The following GALNT14 variants were observed in gnomAD, a reference collection of about 807,000 sequenced individuals.
GALNT14 encodes UDP-GalNAc:polypeptide N-acetylgalactosaminyltransferase 14.
Under a neutral mutation model 77.5 loss-of-function variants are expected in GALNT14, and 60 were observed. That is an observed-to-expected ratio of 0.77 (90% CI 0.63 to 0.96). The LOEUF is 0.96. Among genes scored for constraint, GALNT14 ranks in the 40% least tolerant of loss-of-function variants. The pLI is 0.00. For synonymous variants in GALNT14, 280 were observed against 281.7 expected (o/e 0.99, Z 0.06); for missense variants, 710 against 731.0 (o/e 0.97, Z 0.33).
chr2:30,974,883 T>C (rs1668547871), intron 2 of GALNT14, among the ~76,000 whole-genome samples: 1 of 152,154 alleles, frequency 6.6e-6, no homozygotes, highest in Non-Finnish European at 1.5e-5. Flanking sequence ...GTCTGAAGAA[T>C]GAGTGGAGGG....
At chr2:31,108,189 A>G (rs1269527206) in intron 1 of GALNT14, among the ~76,000 whole-genome samples, 2 of 152,146 alleles carry the variant, frequency 1.3e-5, no homozygotes, top group Non-Finnish European at 2.9e-5. Context: ...CTGACCCCAC[A>G]TGAACCCTGA....
chr2:30,989,563 TATATATATATATATATATAAAA>T (rs1174367795), intron 2 of GALNT14, among the ~76,000 whole-genome samples: 2 of 125,344 alleles, frequency 1.6e-5, no homozygotes, highest in East Asian at 2.2e-4. Context: ...AAATACCTTA[TATATATATATATATATATAAAA>T]ATATATATAT....
chr2:30,947,540 A>G (rs902658517), intron 6 of GALNT14, among the ~76,000 whole-genome samples: 1 of 152,226 alleles, frequency 6.6e-6, no homozygotes, highest in Non-Finnish European at 1.5e-5. Flanking sequence ...AACTCCCCAC[A>G]TTGCCCAGAG....
At chr2:31,089,660 T>C (rs1046201513) in intron 1 of GALNT14, among the ~76,000 whole-genome samples, 4 of 152,056 alleles carry the variant, frequency 2.6e-5, no homozygotes, top group African/African-American at 9.7e-5. Context: ...AAGCAGAGGG[T>C]TATTTTCTAG....
intron 2 of GALNT14, among the ~76,000 whole-genome samples, chr2:30,973,950 T>C (rs1368594713): frequency 6.6e-6 from 1 of 152,154 alleles, no homozygotes; most frequent in African/African-American, 2.4e-5. Flanking sequence ...AATAAGTGGG[T>C]CAGAATAGAG....
At chr2:30,971,129 G>GA (rs935756657) in intron 2 of GALNT14, among the ~76,000 whole-genome samples, 2 of 152,050 alleles carry the variant, frequency 1.3e-5, no homozygotes, top group Admixed American at 6.5e-5. Flanking sequence ...GAGAGTCTGA[G>GA]AAAAAAATCC....
At chr2:31,029,512 C>T (rs2113488) in intron 1 of GALNT14, among the ~76,000 whole-genome samples, 73,209 of 152,070 alleles carry the variant, frequency 0.48, 18,331 homozygotes, top group African/African-American at 0.63. Context: ...TCAGCCTGCC[C>T]TGTAATCATA....
At position 30,945,226 on chromosome 2, in the gene GALNT14, C is replaced by T. The variant is rs548158973; in HGVS notation, c.743-284G>A. Among the ~76,000 whole-genome samples, 53 of 152,224 alleles carry T rather than the reference C, an allele frequency of 3.5e-4. 1 individual carries two copies. In the South Asian group the frequency reaches 0.01, roughly 30 times the overall value. ...GGATAAAAAGCCTAGGGGTAGGGGC[C>T]GAGGATGACAGGATGGACAGTCATG... On this transcript the variant is annotated intron_variant, in intron 7 of 14. Coordinates refer to ENST00000349752, the MANE Select transcript of GALNT14 (RefSeq NM_024572.4).
chr2:30,890,236 A>T, the GALNT14 span, among the ~76,000 whole-genome samples: 2 of 152,210 alleles, frequency 1.3e-5, no homozygotes, highest in Non-Finnish European at 2.9e-5. Flanking sequence ...CTCTGGGAAG[A>T]TAGAGAGGAG....
At chr2:31,109,165 G>C (rs1288321647) in intron 1 of GALNT14, among the ~76,000 whole-genome samples, 1 of 152,198 alleles carries the variant, frequency 6.6e-6, no homozygotes, top group Admixed American at 6.5e-5. Context: ...CTGGAATGCA[G>C]CTGTTAGTTA....
chr2:30,905,402 T>G, the GALNT14 span, among the ~76,000 whole-genome samples: 1 of 151,424 alleles, frequency 6.6e-6, no homozygotes, highest in African/African-American at 2.4e-5. Context: ...GCTCGAGAAC[T>G]ACGTGAAGAA....
chr2:31,070,390 C>T (rs1418201455), intron 1 of GALNT14, among the ~76,000 whole-genome samples: 1 of 152,208 alleles, frequency 6.6e-6, no homozygotes, highest in African/African-American at 2.4e-5. Context: ...CTAGGCTGTC[C>T]TGTCCTCAGG....
At chr2:31,054,172 G>A (rs1674071094) in intron 1 of GALNT14, among the ~76,000 whole-genome samples, 1 of 152,232 alleles carries the variant, frequency 6.6e-6, no homozygotes, top group African/African-American at 2.4e-5. Flanking sequence ...TCCAGTGCAT[G>A]CTTTGATCCC....
chr2:31,035,553 ATG>A (rs573163116), intron 1 of GALNT14, among the ~76,000 whole-genome samples: 151 of 129,506 alleles, frequency 1.2e-3, no homozygotes, highest in African/African-American at 4.2e-3. Flanking sequence ...GATAAAGAAA[ATG>A]TGTGTGTGTG....
intron 1 of GALNT14, among the ~76,000 whole-genome samples, chr2:31,020,918 CT>C (rs1360800799): frequency 1.3e-5 from 2 of 152,204 alleles, no homozygotes; most frequent in Non-Finnish European, 1.5e-5. Context: ...CTTATTACGC[CT>C]CTCCAGGAAT....
chr2:30,975,129 C>T (rs1226508157), intron 2 of GALNT14, among the ~76,000 whole-genome samples: 1 of 152,140 alleles, frequency 6.6e-6, no homozygotes, highest in Non-Finnish European at 1.5e-5. Flanking sequence ...CGATAAGAAG[C>T]CTTGGGCTAA....
At chr2:31,060,026 C>T (rs922978945) in intron 1 of GALNT14, among the ~76,000 whole-genome samples, 7 of 152,190 alleles carry the variant, frequency 4.6e-5, no homozygotes, top group African/African-American at 7.2e-5. Flanking sequence ...AATCCCTTTC[C>T]GCTCCCTGCA....
intron 3 of GALNT14, among the ~76,000 whole-genome samples, chr2:30,959,793 G>A (rs1350218936): frequency 6.6e-6 from 1 of 152,126 alleles, no homozygotes; most frequent in African/African-American, 2.4e-5. Flanking sequence ...TGTGTCTTAG[G>A]TCTGACTGAG....
rs774174445 is a variant in GALNT14 at position 30,912,329 on chromosome 2, G to A, written c.1394C>T (p.Thr465Ile). The A allele has an allele frequency of 3.1e-6, 5 of 1,614,024 alleles. No homozygotes were observed. Among genetic ancestry groups the A allele is most frequent in the Non-Finnish European group, 4.2e-6 (5 of 1,180,016 alleles). ...EDAKSQVWAF[T>I]YTQQILQEEL... ...CTCCTGGAGGATCTGCTGGGTGTAT[G>A]TGAAGGCCCATACCTGGGGAGAAAG... The change falls in exon 14 of 15, where the codon ACA (threonine) becomes ATA (isoleucine). Residue 465 changes from threonine to isoleucine, a missense_variant. Physicochemically the swap from Thr to Ile is moderately conservative, Grantham distance 89. Transcript: ENST00000349752.
Sources: allele counts gnomAD v4.1 joint callset (sites outside exome capture counted in the v4.1 genomes callset), GRCh38; gene constraint gnomAD v4.1.1; transcripts MANE v1.5; gene names NCBI Gene and HGNC (gene_info 2026-07-23, HGNC 2026-07-21).